The following SRFBP1 variants were observed in gnomAD, a reference collection of about 807,000 sequenced individuals.
SRFBP1 encodes serum response factor binding protein 1.
A neutral mutation model predicts 45.5 loss-of-function variants in SRFBP1; 47 were observed. The observed-to-expected ratio is 1.03, with a 90% CI of 0.82 to 1.32. SRFBP1 has a LOEUF of 1.32. Among genes scored for constraint, SRFBP1 ranks in the 40% most tolerant of loss-of-function variants. The pLI, the probability that SRFBP1 is intolerant of heterozygous loss-of-function variation, is 0.00. For missense variants in SRFBP1, 621 were observed against 484.6 expected, an observed-to-expected ratio of 1.28 and a Z score of -2.64; for synonymous variants, 203 against 166.3, an observed-to-expected ratio of 1.22 and a Z score of -1.70.
rs921101317 is a variant in SRFBP1 at position 122,009,691 on chromosome 5, A to G, written c.271-9569A>G. On this transcript the variant is annotated intron_variant, in intron 4 of 7. Transcript: ENST00000339397. ...AGCTCTTTGTAGTATGTAGATGAGC[A>G]TGGTCCTGAAAGGATTACCTTACCT... 3.9e-5 allele frequency among the ~76,000 whole-genome samples: 6 copies of G among 152,198 alleles called. 1 individual carries two copies. The South Asian group carries it at 1.0e-3, about 26-fold the overall frequency.
rs866355819 is a variant in SRFBP1 at position 121,974,197 on chromosome 5, T to C, written c.38T>C (p.Val13Ala). 4 of 1,606,158 alleles carry C rather than the reference T, an allele frequency of 2.5e-6. No individual in the cohort carries two copies. The Middle Eastern group carries it at 6.6e-4, about 266-fold the overall frequency. Residue 13 changes from valine to alanine, a missense_variant and splice_region_variant, in exon 2 of 8, where the codon GTT becomes GCT. Physicochemically the swap from Val to Ala is moderately conservative, Grantham distance 64. Coordinates refer to ENST00000339397, the MANE Select transcript of SRFBP1 (RefSeq NM_152546.3). ...TAATTATTGCTTTATTCTTCAAAGG[T>C]TGTGAAGATGAGAAAAGAAGTGAAG... ...QPGTLNLNNE[V>A]VKMRKEVKRI... is the part of the protein sequence containing the mutation.
chr5:121,998,150 C>A (rs940531057), intron 4 of SRFBP1, among the ~76,000 whole-genome samples: 4 of 150,846 alleles, frequency 2.7e-5, no homozygotes, highest in African/African-American at 9.7e-5. Context: ...TTTGACCCAG[C>A]CATCCCATTA....
chr5:121,997,969 C>T (rs1470534628), intron 4 of SRFBP1, among the ~76,000 whole-genome samples: 13 of 150,988 alleles, frequency 8.6e-5, no homozygotes, highest in Non-Finnish European at 1.3e-4. Context: ...CTATGAGATA[C>T]CATCTCACAC....
At chr5:122,050,030 A>G (rs1171934602) in intron 2 of SRFBP1, among the ~76,000 whole-genome samples, 1 of 152,158 alleles carries the variant, frequency 6.6e-6, no homozygotes, top group Non-Finnish European at 1.5e-5. Flanking sequence ...AGTTCTGCTT[A>G]TGTGATTAAT....
intron 1 of SRFBP1, among the ~76,000 whole-genome samples, chr5:121,963,632 C>T (rs532256239): frequency 6.6e-6 from 1 of 152,218 alleles, no homozygotes; most frequent in East Asian, 1.9e-4. Context: ...TCTTTGTGCA[C>T]CCAGATTGCT....
At chr5:122,069,260 G>C (rs1021365894) in intron 2 of SRFBP1, among the ~76,000 whole-genome samples, 1 of 152,122 alleles carries the variant, frequency 6.6e-6, no homozygotes. Context: ...AAGCAAAGCT[G>C]ATGAGTGTTG....
intron 4 of SRFBP1, among the ~76,000 whole-genome samples, chr5:122,018,808 G>A (rs1000645835): frequency 1.2e-4 from 18 of 152,074 alleles, no homozygotes; most frequent in East Asian, 3.8e-4. Flanking sequence ...AATATAGAGC[G>A]TTAGATAATT....
chr5:122,032,635 C>T (rs1753609469), downstream of SRFBP1, among the ~76,000 whole-genome samples: 1 of 152,144 alleles, frequency 6.6e-6, no homozygotes, highest in Admixed American at 6.5e-5. Flanking sequence ...TTATAGTACT[C>T]CACTGGGTAA....
chr5:121,989,313 A>C (rs1752579142), intron 3 of SRFBP1, among the ~76,000 whole-genome samples: 1 of 152,030 alleles, frequency 6.6e-6, no homozygotes, highest in African/African-American at 2.4e-5. Flanking sequence ...TGATCCGCCC[A>C]CCTCAGCCTC....
chr5:122,008,963 A>G lies in SRFBP1; in HGVS notation c.271-10297A>G, dbSNP rs78459044. ...GAACCAAGATAAAGACCAAATATAT[A>G]TTTCTTATTCTATAATAGTATCACA... On this transcript the variant is annotated intron_variant, in intron 4 of 7. Coordinates refer to ENST00000339397, the MANE Select transcript of SRFBP1 (RefSeq NM_152546.3). 4.1e-3 allele frequency among the ~76,000 whole-genome samples: 621 copies of G among 152,226 alleles called. 15 individuals carry two copies. The East Asian group carries it at 0.053, about 13-fold the overall frequency.
chr5:122,017,376 T>A (rs932653598), intron 4 of SRFBP1, among the ~76,000 whole-genome samples: 1 of 152,234 alleles, frequency 6.6e-6, no homozygotes, highest in Non-Finnish European at 1.5e-5. Context: ...GATGCCAGGA[T>A]AACTCCAATC....
chr5:122,005,616 T>C (rs1752958062), intron 4 of SRFBP1, among the ~76,000 whole-genome samples: 1 of 152,154 alleles, frequency 6.6e-6, no homozygotes, highest in Admixed American at 6.5e-5. Flanking sequence ...AGCCACTATG[T>C]GTTATGATTG....
chr5:121,990,112 C>G (rs757692923), intron 3 of SRFBP1, among the ~76,000 whole-genome samples: 7 of 152,148 alleles, frequency 4.6e-5, no homozygotes, highest in Non-Finnish European at 7.3e-5. Context: ...AGCAAAGACA[C>G]ATGGACGTCT....
chr5:122,077,955 C>T (rs370627614), downstream of SRFBP1: 2 of 1,477,052 alleles, frequency 1.4e-6, no homozygotes, highest in Non-Finnish European at 1.8e-6. This position sits in a 1 kb window ranked among gnomAD's most constrained non-coding sequence, Gnocchi z 4.9. Context: ...TGCAAAGGCC[C>T]GAGCAGGAGC....
intron 5 of SRFBP1, among the ~76,000 whole-genome samples, 158 bp downstream of exon 5, chr5:122,019,499 A>G (rs1004586935): frequency 1.3e-5 from 2 of 151,842 alleles, no homozygotes; most frequent in Non-Finnish European, 2.9e-5. Context: ...AGAAAGTGTG[A>G]TCTCTGAAGA....
intron 4 of SRFBP1, among the ~76,000 whole-genome samples, chr5:122,011,419 G>A (rs977327094): frequency 2.0e-5 from 3 of 152,010 alleles, no homozygotes; most frequent in African/African-American, 7.2e-5. Flanking sequence ...GAAAGCTGTG[G>A]TTTCCTTCAT....
chr5:122,065,571 T>C (rs1033700877), intron 2 of SRFBP1: 1 of 152,056 alleles, frequency 6.6e-6, no homozygotes, highest in East Asian at 1.9e-4. Context: ...CCCTCAAGTA[T>C]GTAATACTAT....
At chr5:122,059,930 A>G (rs1754144767) in intron 2 of SRFBP1, among the ~76,000 whole-genome samples, 1 of 152,102 alleles carries the variant, frequency 6.6e-6, no homozygotes, top group Admixed American at 6.6e-5. Context: ...GCTTGAAAGA[A>G]TGGTTCTCTC....
chr5:122,046,350 T>A (rs1308642536), intron 2 of SRFBP1, among the ~76,000 whole-genome samples: 1 of 152,144 alleles, frequency 6.6e-6, no homozygotes, highest in Non-Finnish European at 1.5e-5. Context: ...TCTAGCTTCA[T>A]CCATGTCCCT....
Sources: allele counts gnomAD v4.1 joint callset (sites outside exome capture counted in the v4.1 genomes callset), GRCh38; gene constraint gnomAD v4.1.1; non-coding constraint Gnocchi (gnomAD v3.1); transcripts MANE v1.5; gene names NCBI Gene and HGNC (gene_info 2026-07-23, HGNC 2026-07-21).